RAD54L: variants seen among roughly 807,000 people sequenced by gnomAD.
RAD54L encodes the protein DNA repair and recombination protein RAD54-like.
In RAD54L, 74 loss-of-function variants were observed where a neutral mutation model predicts 91.6. The observed-to-expected ratio is 0.81, with a 90% CI of 0.67 to 0.98. The LOEUF (loss-of-function observed/expected upper bound fraction) is 0.98. Among genes scored for constraint, RAD54L ranks in the 50% least tolerant of loss-of-function variants. The pLI is 0.00. For synonymous variants in RAD54L, 304 were observed against 349.7 expected, an observed-to-expected ratio of 0.87 and a Z score of 1.46; for missense variants, 887 against 945.7, an observed-to-expected ratio of 0.94 and a Z score of 0.81.
At chr1:46,249,784 G>C (rs1361290317) in intron 2 of RAD54L, among the ~76,000 whole-genome samples, 4 of 152,152 alleles carry the variant, frequency 2.6e-5, no homozygotes, top group African/African-American at 9.7e-5. Flanking sequence ...GCTCAGTTTA[G>C]GCAGGTTATT....
chr1:46,273,264 T>C, intron 12 of RAD54L, 91 bp from the exon 13 acceptor site: 1 of 1,079,126 alleles, frequency 9.3e-7, no homozygotes, highest in Non-Finnish European at 1.4e-6. Flanking sequence ...GGAAGGCCTT[T>C]TGGGCTAGGC....
chr1:46,251,665 G>A (rs888820564), intron 3 of RAD54L, among the ~76,000 whole-genome samples: 1 of 152,204 alleles, frequency 6.6e-6, no homozygotes, highest in Non-Finnish European at 1.5e-5. Context: ...CCAGCATTCT[G>A]GGAGGCCAAG....
Position 46,253,924 on chromosome 1 carries a change from C to A in RAD54L, c.210+3805C>A, listed in dbSNP as rs375549003. On this transcript the variant is annotated intron_variant, in intron 3 of 17. Coordinates refer to ENST00000371975, the MANE Select transcript of RAD54L (RefSeq NM_003579.4). ...AGAAAAAAAATACATAGTAATCCAG[C>A]CTGATTATATTATTATAGTTATCTT... Among the ~76,000 whole-genome samples, 7 of 151,916 alleles carry A rather than the reference C, an allele frequency of 4.6e-5. No homozygotes were observed. The East Asian group carries it at 1.2e-3, about 25-fold the overall frequency.
intron 3 of RAD54L, 104 bp from the exon 4 acceptor site, chr1:46,258,582 C>T (rs964379440): frequency 1.2e-5 from 11 of 910,988 alleles, no homozygotes; most frequent in African/African-American, 3.3e-5. Context: ...CATAAAGCCT[C>T]GAAGATGGAT....
intron 4 of RAD54L, among the ~76,000 whole-genome samples, chr1:46,258,990 G>A (rs1477155939): frequency 6.6e-6 from 1 of 152,058 alleles, no homozygotes; most frequent in Non-Finnish European, 1.5e-5. Flanking sequence ...AAAGCTCCTG[G>A]TGGGCCAAGA....
At chr1:46,258,590 G>T (rs1342304547) in intron 3 of RAD54L, 96 bp from the exon 4 acceptor site, 6 of 954,082 alleles carry the variant, frequency 6.3e-6, no homozygotes, top group African/African-American at 1.6e-5. Flanking sequence ...CTCGAAGATG[G>T]ATGCTGTTGT....
intron 16 of RAD54L, 132 bp downstream of exon 16, chr1:46,274,849 T>C (rs1350928177): frequency 9.5e-6 from 10 of 1,048,530 alleles, no homozygotes; most frequent in Admixed American, 1.9e-5. Flanking sequence ...CAGAAGTGAG[T>C]CTTTTATTCT....
In RAD54L at chr1:46,260,035, A is replaced by G; in HGVS notation, c.343A>G (p.Lys115Glu). ...VRRALHDPLE[K>E]DALVLYEPPP... is the part of the protein sequence containing the mutation. ...CCGGGCCCTCCATGACCCCCTGGAA[A>G]AAGATGCCTTGGTTCTGTATGAGCC... The change falls in exon 5 of 18, where the codon AAA becomes GAA. Residue 115 changes from lysine to glutamate, a missense_variant. By Grantham distance (56) the Lys-to-Glu change is moderately conservative. Transcript: ENST00000371975. 1.9e-6 allele frequency: 3 copies of G among 1,614,134 alleles called. No individual in the cohort carries two copies. Among genetic ancestry groups the G allele is most frequent in the African/African-American group, 1.3e-5 (1 of 75,028 alleles).
chr1:46,274,302 A>AT (rs375364553), intron 15 of RAD54L, 86 bp downstream of exon 15: 66,408 of 1,123,424 alleles, frequency 0.059, 14 homozygotes, highest in Non-Finnish European at 0.067. Flanking sequence ...GGTTACCTTG[A>AT]TTTTTTTTTT....
Position 46,260,062 on chromosome 1 carries a change from C to T in RAD54L, c.370C>T (p.Pro124Ser). The T allele has an allele frequency of 6.2e-7, 1 of 1,614,162 alleles. No individual in the cohort carries two copies. Among genetic ancestry groups the T allele is most frequent in the South Asian group, 1.1e-5 (1 of 91,086 alleles). ...EKDALVLYEPPPLSAHDQLKL... is the reference protein window; with the variant it reads ...EKDALVLYEPSPLSAHDQLKL... ...AGATGCCTTGGTTCTGTATGAGCCT[C>T]CCCCGCTGAGCGCTCATGACCAGCT... Residue 124 changes from proline to serine, a missense_variant, in exon 5 of 18, where the codon CCC becomes TCC. Physicochemically the swap from Pro to Ser is moderately conservative, Grantham distance 74. Transcript: ENST00000371975.
chr1:46,251,195 C>G lies in RAD54L; in HGVS notation c.210+1076C>G, dbSNP rs552253100. 3.0e-4 allele frequency among the ~76,000 whole-genome samples: 45 copies of G among 148,058 alleles called. No individual in the cohort carries two copies. In the East Asian group the frequency reaches 9.4e-3, roughly 31 times the overall value. ...GGCATGGTGGTGCATGCCTGTAATCCCAGCTACTTGGGAGGCTGAGGCAGG... is the reference window on the plus strand; with the variant it reads ...GGCATGGTGGTGCATGCCTGTAATCGCAGCTACTTGGGAGGCTGAGGCAGG... On this transcript the variant is annotated intron_variant, in intron 3 of 17. Coordinates refer to ENST00000371975, the MANE Select transcript of RAD54L (RefSeq NM_003579.4).
chr1:46,264,458 T>C (rs1327423555), intron 8 of RAD54L, among the ~76,000 whole-genome samples: 3 of 152,226 alleles, frequency 2.0e-5, no homozygotes, highest in African/African-American at 7.2e-5. Context: ...TGATCCTCAA[T>C]CAAAAGACAC....
intron 3 of RAD54L, 108 bp downstream of exon 3, chr1:46,250,227 A>G: frequency 6.8e-7 from 1 of 1,477,734 alleles, no homozygotes; most frequent in South Asian, 1.1e-5. Flanking sequence ...TGGCCAGAAG[A>G]CACACATCTG....
rs753782975 is a variant in RAD54L, at chr1:46,278,304, G to C, written c.*22G>C. 5.6e-6 allele frequency: 9 copies of C among 1,595,600 alleles called. No homozygotes were observed. The highest frequency in any genetic ancestry group is 6.8e-6 in the Non-Finnish European group (8 of 1,170,468). ...CTGATAACCAGCTGGTCTGGGTGTAGCTCTTAGAGGAAGGAGATAGGGAAA... is the reference window on the plus strand; with the variant it reads ...CTGATAACCAGCTGGTCTGGGTGTACCTCTTAGAGGAAGGAGATAGGGAAA... On this transcript the variant is annotated 3_prime_UTR_variant, in exon 18 of 18. Transcript: ENST00000371975.
chr1:46,255,619 C>T (rs1421968928), intron 3 of RAD54L, among the ~76,000 whole-genome samples: 1 of 151,628 alleles, frequency 6.6e-6, no homozygotes, highest in Non-Finnish European at 1.5e-5. Flanking sequence ...GTGCCTCAGC[C>T]TCCCAAGTAG....
At position 46,274,198 on chromosome 1, in the gene RAD54L, A is replaced by G. The variant is rs749723330; in HGVS notation, c.1671A>G (p.Glu557=). 1 of 1,613,136 alleles carries G rather than the reference A, an allele frequency of 6.2e-7. No individual in the cohort carries two copies. Among genetic ancestry groups the G allele is most frequent in the African/African-American group, 1.3e-5 (1 of 74,978 alleles). ...MSIKKRAKVV[E]RFNSPSSPDF... ...TTAAGAAGCGAGCCAAGGTTGTAGAACGCTTCAATAGTCCATCGGTAAATG... is the reference window on the plus strand; with the variant it reads ...TTAAGAAGCGAGCCAAGGTTGTAGAGCGCTTCAATAGTCCATCGGTAAATG... Residue 557 remains glutamate, a synonymous_variant, in exon 15 of 18, where the codon GAA becomes GAG. Coordinates refer to ENST00000371975, the MANE Select transcript of RAD54L (RefSeq NM_003579.4).
chr1:46,277,886 G>A lies in RAD54L; in HGVS notation c.1939G>A (p.Asp647Asn), dbSNP rs1344786275. 1 of 1,613,966 alleles carries A rather than the reference G, an allele frequency of 6.2e-7. No homozygotes were observed. Among genetic ancestry groups the A allele is most frequent in the Admixed American group, 1.7e-5 (1 of 59,994 alleles). Residue 647 changes from aspartate to asparagine, a missense_variant, in exon 17 of 18, where the codon GAT (aspartate) becomes AAT (asparagine). Physicochemically the swap from Asp to Asn is conservative, Grantham distance 23. Coordinates refer to ENST00000371975, the MANE Select transcript of RAD54L (RefSeq NM_003579.4). ...HKKALSSCVV[D>N]EEQDVERHFS... ...GAAGGCACTGAGCAGCTGTGTGGTG[G>A]ATGAGGAGCAGGATGTAGAGCGCCA...
chr1:46,272,673 C>G lies in RAD54L; in HGVS notation c.1246C>G (p.Leu416Val). The change falls in exon 12 of 18, where the codon CTG (leucine) becomes GTG (valine). Residue 416 changes from leucine to valine, a missense_variant and splice_region_variant. Leu to Val is a conservative substitution (Grantham distance 32). Transcript: ENST00000371975. ...CACTGACCCAGCTGCCTTTTTTAGGCTGACACCCCTTCAGACTGAGTTATA... is the reference window on the plus strand; with the variant it reads ...CACTGACCCAGCTGCCTTTTTTAGGGTGACACCCCTTCAGACTGAGTTATA... ...VKIEQVVCCRLTPLQTELYKR... is the reference protein window; with the variant it reads ...VKIEQVVCCRVTPLQTELYKR... 1 of 1,614,156 alleles carries G rather than the reference C, an allele frequency of 6.2e-7. No individual in the cohort carries two copies. The highest frequency in any genetic ancestry group is 8.5e-7 in the Non-Finnish European group (1 of 1,180,034).
chr1:46,258,169 T>C (rs1017507504), intron 3 of RAD54L, among the ~76,000 whole-genome samples: 5 of 152,170 alleles, frequency 3.3e-5, no homozygotes, highest in Admixed American at 2.0e-4. Context: ...TGAGCCACCA[T>C]GCCCGGCCTG....
Sources: gnomAD v4.1 joint callset for allele counts (sites outside exome capture counted in the v4.1 genomes callset) on GRCh38, gnomAD v4.1.1 for gene constraint, MANE v1.5 for transcripts, NCBI Gene and HGNC (gene_info 2026-07-23, HGNC 2026-07-21) for gene names.